The following ZZEF1 variants were observed in gnomAD, a reference collection of about 807,000 sequenced individuals.
ZZEF1 encodes the protein zinc finger ZZ-type and EF-hand domain-containing protein 1.
Under a neutral mutation model 342.8 loss-of-function variants are expected in ZZEF1, and 157 were observed. The ratio of observed to expected loss-of-function variants is 0.46; its 90% CI spans 0.40 to 0.52. The LOEUF is 0.52. Among genes scored for constraint, ZZEF1 ranks in the 20% least tolerant of loss-of-function variants. The pLI is 0.00. For synonymous variants in ZZEF1, 1,505 were observed against 1,429.1 expected (o/e 1.05, Z -1.20); for missense variants, 3,480 against 3,725.6 (o/e 0.93, Z 1.72).
At chr17:4,100,593 C>A (rs2058110365) in intron 9 of ZZEF1, among the ~76,000 whole-genome samples, 1 of 152,162 alleles carries the variant, frequency 6.6e-6, no homozygotes, top group African/African-American at 2.4e-5. Context: ...TAAAAATCCA[C>A]ATCCAGCCGG....
At chr17:4,024,883 C>G (rs1302061599) in intron 43 of ZZEF1, 36 bp downstream of exon 43, 1 of 1,597,756 alleles carries the variant, frequency 6.3e-7, no homozygotes, top group Non-Finnish European at 8.6e-7. Context: ...CAAATTATAG[C>G]CAGATCCACT....
rs545496410 is a variant in ZZEF1 at position 4,090,617 on chromosome 17, G to A, written c.2025+102C>T. 57 of 865,364 alleles carry A rather than the reference G, an allele frequency of 6.6e-5. 1 individual carries two copies. Among genetic ancestry groups the A allele is most frequent in the African/African-American group, 4.4e-4 (27 of 61,108 alleles). The allele number at this position is 865,364 out of a possible 1,614,324, so 53.6% of individuals were successfully genotyped here. On this transcript the variant is annotated intron_variant, in intron 12 of 54. Coordinates refer to ENST00000381638, the MANE Select transcript of ZZEF1 (RefSeq NM_015113.4). ...GTATGAACTCCCTGAAGGTAGATTC[G>A]CCTCTGGGGTTGTAGCATTGGCACA... is the stretch of plus-strand genomic sequence containing the variant.
chr17:4,078,134 G>A (rs2057658583), intron 18 of ZZEF1, 92 bp from the exon 19 acceptor site: 1 of 1,332,448 alleles, frequency 7.5e-7, no homozygotes, highest in East Asian at 2.4e-5. Context: ...GCTGTCACCA[G>A]CAAAAACAAA....
intron 6 of ZZEF1, among the ~76,000 whole-genome samples, chr17:4,108,352 AGAATT>A (rs1410949795): frequency 1.3e-5 from 2 of 152,212 alleles, no homozygotes; most frequent in Non-Finnish European, 2.9e-5. Context: ...CAAATAAACC[AGAATT>A]GAAGGACACT....
chr17:4,031,455 C>T (rs2056545829), intron 42 of ZZEF1, among the ~76,000 whole-genome samples: 1 of 152,012 alleles, frequency 6.6e-6, no homozygotes, highest in African/African-American at 2.4e-5. Context: ...CAATTTTCGA[C>T]AAGATTCCAA....
In ZZEF1 at chr17:4,021,128, C is replaced by A; in HGVS notation, c.7404+1G>T. The A allele has an allele frequency of 6.2e-7, 1 of 1,609,094 alleles. No homozygotes were observed. The highest frequency in any genetic ancestry group is 8.5e-7 in the Non-Finnish European group (1 of 1,177,506). ...AGCCACAAGATGACTCAAGAACACA[C>A]CAAGAAACATATTCTGGTGGGCTCA... is the stretch of plus-strand genomic sequence containing the variant. On this transcript the variant is annotated splice_donor_variant, in intron 45 of 54. Transcript: ENST00000381638. LOFTEE classifies it high-confidence loss of function.
intron 46 of ZZEF1, 136 bp from the exon 47 acceptor site, chr17:4,018,107 G>A (rs2056163334): frequency 8.5e-7 from 1 of 1,176,234 alleles, no homozygotes; most frequent in Non-Finnish European, 1.2e-6. Context: ...TCCGTGTTTT[G>A]CCAACTGGAT....
At position 4,088,919 on chromosome 17, in the gene ZZEF1, T is replaced by G. The variant is rs763966228; in HGVS notation, c.2026-26A>C. 30 of 1,607,798 alleles carry G rather than the reference T, an allele frequency of 1.9e-5. No homozygotes were observed. In the South Asian group the frequency reaches 2.9e-4, roughly 15 times the overall value. On this transcript the variant is annotated intron_variant, in intron 12 of 54. Coordinates refer to ENST00000381638, the MANE Select transcript of ZZEF1 (RefSeq NM_015113.4). ...CTGGACAGGACAAGAGAGATTTCAA[T>G]AGAAGAACTCAGAATCCCTGAATAT...
Position 4,008,856 on chromosome 17 carries a change from C to G in ZZEF1, c.8805+27G>C. On this transcript the variant is annotated intron_variant, in intron 54 of 54. Transcript: ENST00000381638. The surrounding 1 kb of genome is among the most constrained non-coding windows in gnomAD (Gnocchi z 4.2). ...AGATGGTGGCGCCCCAGCCTGGGGG[C>G]CAGCTCTGTTGGGGTGGAGAGAGTA... The G allele has an allele frequency of 1.3e-6, 2 of 1,543,842 alleles. No homozygotes were observed. The highest frequency in any genetic ancestry group is 2.7e-5 in the African/African-American group (2 of 73,242).
At chr17:4,007,067 A>C (rs1020595969) in intron 54 of ZZEF1, 97 bp from the exon 55 acceptor site, 21 of 1,139,598 alleles carry the variant, frequency 1.8e-5, no homozygotes, top group Admixed American at 1.0e-4. Flanking sequence ...GGATGTGGGG[A>C]CGGAGGAGGG....
intron 24 of ZZEF1, 179 bp from the exon 25 acceptor site, chr17:4,072,935 AACC>A: frequency 1.8e-6 from 1 of 550,650 alleles, no homozygotes; most frequent in Non-Finnish European, 3.0e-6. Flanking sequence ...GATTAAGCTA[AACC>A]ACCAAGTCCT....
intron 16 of ZZEF1, 110 bp from the exon 17 acceptor site, chr17:4,082,614 GC>G: frequency 9.9e-7 from 1 of 1,013,834 alleles, no homozygotes; most frequent in Non-Finnish European, 1.5e-6. Context: ...TATGAGGAAT[GC>G]CAGGCCAGCA....
chr17:4,080,919 G>T (rs2057711741), intron 18 of ZZEF1, among the ~76,000 whole-genome samples: 1 of 152,158 alleles, frequency 6.6e-6, no homozygotes, highest in Admixed American at 6.5e-5. Context: ...AAACCTTTGT[G>T]ATCATTTGTA....
intron 39 of ZZEF1, among the ~76,000 whole-genome samples, chr17:4,037,516 T>C (rs1030738862): frequency 9.9e-5 from 15 of 152,196 alleles, no homozygotes; most frequent in Non-Finnish European, 7.3e-5. Context: ...TAAAGACTGA[T>C]AACTGTTAAA....
At position 4,006,779 on chromosome 17, in the gene ZZEF1, C is replaced by T. The variant is rs2055809874; in HGVS notation, c.*111G>A. 1 of 1,211,924 alleles carries T rather than the reference C, an allele frequency of 8.3e-7. No homozygotes were observed. The highest frequency in any genetic ancestry group is 1.2e-6 in the Non-Finnish European group (1 of 840,652). The allele number at this position is 1,211,924 out of a possible 1,614,324, so 75.1% of individuals were successfully genotyped here. On this transcript the variant is annotated 3_prime_UTR_variant, in exon 55 of 55. Transcript: ENST00000381638. ...TTGGCATCCTAACTGGAGTGGTCAG[C>T]TCAAGGAGAGCTGGGCACTGGCGCT...
In ZZEF1 at chr17:4,102,421, C is replaced by A. The variant is rs1448069290; in HGVS notation, c.1574-6G>T. The A allele has an allele frequency of 3.7e-6, 6 of 1,611,996 alleles. No homozygotes were observed. Among genetic ancestry groups the A allele is most frequent in the Middle Eastern group, 3.3e-4 (2 of 6,066 alleles). ...AGTCAACTGGAGAGGTTTACCTGAC[C>A]AAAGAAAAGGAAGACCAAGCTGTAA... On this transcript the variant is annotated splice_polypyrimidine_tract_variant and splice_region_variant and intron_variant, in intron 8 of 54. Transcript: ENST00000381638.
intron 25 of ZZEF1, chr17:4,071,343 C>T (rs2057504541): frequency 1.2e-5 from 2 of 163,494 alleles, no homozygotes; most frequent in Non-Finnish European, 2.6e-5. Context: ...ACTGACCTGG[C>T]CTGAAGTCTC....
intron 18 of ZZEF1, among the ~76,000 whole-genome samples, chr17:4,080,254 C>T (rs1309607763): frequency 6.6e-6 from 1 of 150,954 alleles, no homozygotes. Flanking sequence ...TAAAAAATCA[C>T]TAACACAGAA....
At chr17:4,031,194 T>C (rs537150076) in intron 42 of ZZEF1, among the ~76,000 whole-genome samples, 2 of 152,208 alleles carry the variant, frequency 1.3e-5, no homozygotes, top group Non-Finnish European at 2.9e-5. Context: ...TACGTGCCTG[T>C]AATCCCAACT....
Sources: allele counts gnomAD v4.1 joint callset (sites outside exome capture counted in the v4.1 genomes callset), GRCh38; gene constraint gnomAD v4.1.1; non-coding constraint Gnocchi (gnomAD v3.1); transcripts MANE v1.5; gene names NCBI Gene and HGNC (gene_info 2026-07-23, HGNC 2026-07-21).